The following CNTN4 variants were observed in gnomAD, a reference collection of about 807,000 sequenced individuals.
The protein encoded by CNTN4 is contactin-4.
CNTN4 carries 77 observed loss-of-function variants against 122.5 expected under a neutral mutation model. The ratio of observed to expected loss-of-function variants is 0.63; its 90% CI spans 0.52 to 0.76. The LOEUF is 0.76. CNTN4 is among the 30% of genes least tolerant of loss of function. The probability of loss-of-function intolerance (pLI) is 0.00; values close to 1 mark genes in which losing one functional copy is unlikely to be tolerated. For synonymous variants in CNTN4, 512 were observed against 447.0 expected, an observed-to-expected ratio of 1.15 and a Z score of -1.83; for missense variants, 1,256 against 1,259.1, an observed-to-expected ratio of 1.00 and a Z score of 0.04.
At chr3:2,116,087 T>C (rs1412416479) in intron 2 of CNTN4, among the ~76,000 whole-genome samples, 1 of 152,214 alleles carries the variant, frequency 6.6e-6, no homozygotes, top group Non-Finnish European at 1.5e-5. Flanking sequence ...ACCCCAATCC[T>C]GATGATCTTC....
chr3:2,587,204 A>G (rs758994813), intron 4 of CNTN4, among the ~76,000 whole-genome samples: 7 of 152,234 alleles, frequency 4.6e-5, no homozygotes, highest in Non-Finnish European at 1.0e-4. Context: ...ATAAAAAAAT[A>G]TGACACACCA....
intron 12 of CNTN4, among the ~76,000 whole-genome samples, chr3:2,912,153 A>T (rs1290335148): frequency 6.6e-6 from 1 of 152,194 alleles, no homozygotes; most frequent in Non-Finnish European, 1.5e-5. Flanking sequence ...AAAGTGTCAA[A>T]AGTCAGAGAC....
At chr3:2,117,661 G>A (rs1432760629) in intron 2 of CNTN4, among the ~76,000 whole-genome samples, 1 of 152,148 alleles carries the variant, frequency 6.6e-6, no homozygotes, top group Non-Finnish European at 1.5e-5. Flanking sequence ...ATTTTCCTTT[G>A]GAGGTCCCAA....
At chr3:2,312,664 T>A (rs1160768808) in intron 2 of CNTN4, among the ~76,000 whole-genome samples, 1 of 152,132 alleles carries the variant, frequency 6.6e-6, no homozygotes, top group African/African-American at 2.4e-5. Context: ...ATACTTGTGC[T>A]TTTTGAAACT....
At chr3:2,875,278 C>G (rs534755208) in intron 8 of CNTN4, among the ~76,000 whole-genome samples, 1 of 152,070 alleles carries the variant, frequency 6.6e-6, no homozygotes, top group African/African-American at 2.4e-5. Context: ...CTACCATGCC[C>G]GGACAGTTGT....
intron 13 of CNTN4, among the ~76,000 whole-genome samples, chr3:2,954,230 T>G (rs1187161730): frequency 6.6e-6 from 1 of 152,124 alleles, no homozygotes; most frequent in Non-Finnish European, 1.5e-5. Flanking sequence ...TGTCCTTATG[T>G]CAGCCTGTCC....
At chr3:2,697,936 G>A (rs999327165) in intron 4 of CNTN4, among the ~76,000 whole-genome samples, 3 of 152,112 alleles carry the variant, frequency 2.0e-5, no homozygotes, top group South Asian at 2.1e-4. Context: ...AGGTTCCAGG[G>A]CAATTTGCTT....
At chr3:2,914,777 C>T (rs2094336515) in intron 12 of CNTN4, among the ~76,000 whole-genome samples, 1 of 152,194 alleles carries the variant, frequency 6.6e-6, no homozygotes, top group Admixed American at 6.5e-5. Flanking sequence ...CATTTAAACT[C>T]ATTCTGTAAG....
intron 3 of CNTN4, among the ~76,000 whole-genome samples, chr3:2,367,299 G>A (rs1280303500): frequency 1.3e-5 from 2 of 152,056 alleles, no homozygotes; most frequent in Non-Finnish European, 2.9e-5. Context: ...TGCTTTTCCA[G>A]ATTTTATTTT....
At chr3:2,213,404 T>A (rs978314578) in intron 2 of CNTN4, among the ~76,000 whole-genome samples, 2 of 152,186 alleles carry the variant, frequency 1.3e-5, no homozygotes, top group African/African-American at 2.4e-5. Flanking sequence ...CACCATTTGT[T>A]ATTTTAATCC....
At chr3:2,686,278 A>G (rs1204968772) in intron 4 of CNTN4, among the ~76,000 whole-genome samples, 1 of 152,106 alleles carries the variant, frequency 6.6e-6, no homozygotes, top group Non-Finnish European at 1.5e-5. Flanking sequence ...ATTAATCCAA[A>G]TCTACCTCCT....
intron 3 of CNTN4, among the ~76,000 whole-genome samples, chr3:2,553,298 C>T (rs552522636): frequency 3.9e-5 from 6 of 152,228 alleles, no homozygotes; most frequent in Admixed American, 2.0e-4. Context: ...GCACTCATTC[C>T]GGGGCATGTG....
intron 4 of CNTN4, among the ~76,000 whole-genome samples, chr3:2,717,709 T>G (rs1011847820): frequency 1.3e-5 from 2 of 151,922 alleles, no homozygotes; most frequent in East Asian, 1.9e-4. Flanking sequence ...TTTGAGCAAC[T>G]GCAAACTGTT....
At chr3:2,970,936 C>T (rs963106095) in intron 13 of CNTN4, among the ~76,000 whole-genome samples, 6 of 151,646 alleles carry the variant, frequency 4.0e-5, no homozygotes, top group Admixed American at 6.6e-5. Flanking sequence ...TACAGGTGCC[C>T]GCCACCATGC....
intron 2 of CNTN4, among the ~76,000 whole-genome samples, chr3:2,121,496 C>CAAA (rs201166713): frequency 1.0e-5 from 1 of 98,078 alleles, no homozygotes. Flanking sequence ...GACTCCGTCT[C>CAAA]AAAAAAAAAA....
At chr3:2,908,111 G>A (rs1305373049) in intron 12 of CNTN4, among the ~76,000 whole-genome samples, 1 of 152,136 alleles carries the variant, frequency 6.6e-6, no homozygotes, top group African/African-American at 2.4e-5. Context: ...AACTCCCTGG[G>A]TGATAACCAT....
rs1363303217 is a variant in CNTN4, at chr3:2,975,845, T to A, written c.1359-12500T>A. Among the ~76,000 whole-genome samples, 3 of 152,202 alleles carry A rather than the reference T, an allele frequency of 2.0e-5. No individual in the cohort carries two copies. The East Asian group carries it at 5.8e-4, about 29-fold the overall frequency. ...AAGTATAGAAAATAACAAATAATAT[T>A]GCTTTAAATAATATTACTTTCCTGT... On this transcript the variant is annotated intron_variant, in intron 13 of 24. Transcript: ENST00000418658.
intron 4 of CNTN4, among the ~76,000 whole-genome samples, chr3:2,651,867 C>G (rs1263773142): frequency 6.6e-6 from 1 of 151,840 alleles, no homozygotes; most frequent in African/African-American, 2.4e-5. Context: ...CCACTCCTGG[C>G]TAACTTTTGC....
intron 2 of CNTN4, among the ~76,000 whole-genome samples, chr3:2,190,966 C>G (rs1257928250): frequency 6.6e-6 from 1 of 152,084 alleles, no homozygotes. Context: ...TTGACTTTCA[C>G]CTCACCAGTT....
Sources: gnomAD v4.1 joint callset for allele counts (sites outside exome capture counted in the v4.1 genomes callset) on GRCh38, gnomAD v4.1.1 for gene constraint, MANE v1.5 for transcripts, NCBI Gene and HGNC (gene_info 2026-07-23, HGNC 2026-07-21) for gene names.